The following DHX34 variants were observed in gnomAD, a reference collection of about 807,000 sequenced individuals.
DHX34 encodes DExH-box helicase 34, also known as probable ATP-dependent RNA helicase DHX34.
DHX34 carries 96 observed loss-of-function variants against 111.1 expected under a neutral mutation model. That is an observed-to-expected ratio of 0.86 (90% CI 0.73 to 1.02). DHX34 has a LOEUF of 1.02. DHX34 is among the 50% of genes least tolerant of loss of function. DHX34 has a pLI of 0.00. For missense variants in DHX34, 1,560 were observed against 1,579.9 expected, an observed-to-expected ratio of 0.99 and a Z score of 0.21; for synonymous variants, 688 against 670.4, an observed-to-expected ratio of 1.03 and a Z score of -0.41.
intron 13 of DHX34, among the ~76,000 whole-genome samples, chr19:47,377,960 C>G (rs188858544): frequency 6.6e-6 from 1 of 152,154 alleles, no homozygotes; most frequent in South Asian, 2.1e-4. Context: ...TAGGCCTGGC[C>G]TCGGAGTCCT....
At chr19:47,372,039 GGGTTCACCTGTCTCCAGGTGAGACTC>G in intron 7 of DHX34, among the ~76,000 whole-genome samples, 1 of 150,980 alleles carries the variant, frequency 6.6e-6, no homozygotes, top group South Asian at 2.2e-4. Context: ...GATGGAGACA[GGGTTCACCTGTCTCCAGGTGAGACTC>G]GGCCACCCTG....
At chr19:47,359,067 C>T (rs1490278660) in intron 4 of DHX34, among the ~76,000 whole-genome samples, 1 of 152,190 alleles carries the variant, frequency 6.6e-6, no homozygotes, top group Non-Finnish European at 1.5e-5. Flanking sequence ...TGTGAGTCTA[C>T]AGGCCAGAGA....
At chr19:47,375,825 G>A (rs1464172121) in intron 10 of DHX34, 99 bp from the exon 11 acceptor site, 8 of 1,544,182 alleles carry the variant, frequency 5.2e-6, no homozygotes, top group South Asian at 1.2e-5. Flanking sequence ...TTCCATGGAC[G>A]GTGCTTGGTC....
At chr19:47,356,804 A>C (rs1969471985) in intron 3 of DHX34, among the ~76,000 whole-genome samples, 2 of 151,864 alleles carry the variant, frequency 1.3e-5, no homozygotes, top group South Asian at 4.1e-4. Context: ...AAATGCAAAA[A>C]TTAGCTCGAG....
intron 4 of DHX34, among the ~76,000 whole-genome samples, 194 bp downstream of exon 4, chr19:47,358,314 C>T (rs555538373): frequency 4.1e-4 from 63 of 152,316 alleles, no homozygotes; most frequent in Non-Finnish European, 5.9e-4. Context: ...AACCAGAGGT[C>T]GGCAAACTTT....
rs546954400 is a variant in DHX34 at position 47,355,753 on chromosome 19, G to A, written c.1017+403G>A. 1.4e-3 allele frequency among the ~76,000 whole-genome samples: 209 copies of A among 152,180 alleles called. 1 individual carries two copies. In the South Asian group the frequency reaches 0.016, roughly 11 times the overall value. On this transcript the variant is annotated intron_variant, in intron 3 of 16. Transcript: ENST00000328771. ...TGTAGTCCCAGCTACTCGGGAGGCT[G>A]AGGCAGGAGAGTGGCGTGAACCTGG...
chr19:47,381,082 TG>T, intron 15 of DHX34, 90 bp downstream of exon 15: 3 of 1,554,242 alleles, frequency 1.9e-6, no homozygotes, highest in Non-Finnish European at 2.6e-6. Flanking sequence ...AGTTCCCAAG[TG>T]GGGCCCGTGG....
chr19:47,376,296 G>A (rs1228921446), intron 11 of DHX34, 147 bp from the exon 12 acceptor site: 8 of 1,497,644 alleles, frequency 5.3e-6, no homozygotes, highest in Non-Finnish European at 7.1e-6. Flanking sequence ...CACTATAGGA[G>A]CCCACAGGGG....
At chr19:47,349,550 C>G (rs922549557) in intron 1 of DHX34, among the ~76,000 whole-genome samples, 198 bp downstream of exon 1, 1 of 152,104 alleles carries the variant, frequency 6.6e-6, no homozygotes, top group African/African-American at 2.4e-5. Flanking sequence ...ACCTGGGCGA[C>G]AGGCCAGAGA....
chr19:47,378,959 A>G (rs1250360450), intron 13 of DHX34, among the ~76,000 whole-genome samples: 5 of 148,890 alleles, frequency 3.4e-5, no homozygotes, highest in African/African-American at 1.2e-4. Context: ...GTGAAACCCC[A>G]TCTCTACTAA....
Position 47,382,197 on chromosome 19 carries a change from C to T in DHX34, c.*84C>T. 1 of 1,556,928 alleles carries T rather than the reference C, an allele frequency of 6.4e-7. No homozygotes were observed. Among genetic ancestry groups the T allele is most frequent in the Non-Finnish European group, 8.7e-7 (1 of 1,153,962 alleles). ...AGGGGCAGGACTCTTGCCTGAACCC[C>T]CAGCCTGGGCTTAGCCCTGTGGTCC... On this transcript the variant is annotated 3_prime_UTR_variant, in exon 17 of 17. Coordinates refer to ENST00000328771, the MANE Select transcript of DHX34 (RefSeq NM_014681.6).
chr19:47,353,804 TGGCAGTATC>T lies in DHX34; in HGVS notation c.705+70_705+78del. 1 of 1,363,524 alleles carries T rather than the reference TGGCAGTATC, an allele frequency of 7.3e-7. No individual in the cohort carries two copies. Among genetic ancestry groups the T allele is most frequent in the Non-Finnish European group, 9.7e-7 (1 of 1,028,194 alleles). 84.5% of individuals were successfully genotyped at this position (1,363,524 alleles called of 1,614,324 possible). On this transcript the variant is annotated intron_variant, in intron 2 of 16. Transcript: ENST00000328771. This position sits in a 1 kb window ranked among gnomAD's most constrained non-coding sequence, Gnocchi z 4.6. ...TGGGGGAATAGGTTGCTTGTCCATA[TGGCAGTATC>T]AATAAAAATGAAGCACTTACCCTTG...
Position 47,372,914 on chromosome 19 carries a change from C to T in DHX34, c.1953C>T (p.Ala651=), listed in dbSNP as rs1408739475. The change falls in exon 8 of 17, where the codon GCC becomes GCT. Residue 651 remains alanine, a synonymous_variant. Transcript: ENST00000328771. The stretch of plus-strand genomic sequence containing the variant: ...TCACGCTCTTCAACGTCTTCAACGC[C>T]TGGGTGCAGGTGAGGCTGGTGGTGG... ...DPFTLFNVFN[A]WVQVKSERSR... The T allele has an allele frequency of 6.3e-7, 1 of 1,599,552 alleles. No individual in the cohort carries two copies. Among genetic ancestry groups the T allele is most frequent in the Non-Finnish European group, 8.5e-7 (1 of 1,177,130 alleles).
At chr19:47,379,487 G>A (rs903795854) in intron 13 of DHX34, 4 of 674,806 alleles carry the variant, frequency 5.9e-6, no homozygotes, top group Admixed American at 6.3e-5. Flanking sequence ...CCCATCTGCC[G>A]CCCCGCCACC....
At chr19:47,376,633 C>T (rs1970171970) in intron 12 of DHX34, 73 bp downstream of exon 12, 6 of 1,515,468 alleles carry the variant, frequency 4.0e-6, no homozygotes, top group African/African-American at 1.4e-5. Flanking sequence ...CTCCCAGGCC[C>T]CTCTGGCTGG....
intron 3 of DHX34, among the ~76,000 whole-genome samples, chr19:47,355,872 A>G (rs1307366032): frequency 6.6e-6 from 1 of 151,890 alleles, no homozygotes; most frequent in Non-Finnish European, 1.5e-5. Context: ...AAGACCCAAA[A>G]ATGTAAAGTC....
In DHX34 at chr19:47,381,180, C is replaced by T. The variant is rs1164477782; in HGVS notation, c.3160-6C>T. On this transcript the variant is annotated splice_polypyrimidine_tract_variant and splice_region_variant and intron_variant, in intron 15 of 16. Transcript: ENST00000328771. ...GGGCCCAGCCCTGACAGCTGGCCTGCCACAGAATGACACAGACCTGTACAG... is the reference window on the plus strand; with the variant it reads ...GGGCCCAGCCCTGACAGCTGGCCTGTCACAGAATGACACAGACCTGTACAG... The T allele has an allele frequency of 6.2e-7, 1 of 1,612,738 alleles. No individual in the cohort carries two copies. The highest frequency in any genetic ancestry group is 1.3e-5 in the African/African-American group (1 of 74,906).
intron 7 of DHX34, among the ~76,000 whole-genome samples, chr19:47,370,669 GTTTTA>G (rs869041688): frequency 2.7e-5 from 3 of 112,616 alleles, no homozygotes; most frequent in Non-Finnish European, 7.0e-5. Flanking sequence ...GTTCATTTTT[GTTTTA>G]TTTATTTATT....
Position 47,367,025 on chromosome 19 carries a change from C to G in DHX34, c.1638C>G (p.Ile546Met), listed in dbSNP as rs565413804. 6.9e-6 allele frequency: 11 copies of G among 1,588,340 alleles called. No homozygotes were observed. Among genetic ancestry groups the G allele is most frequent in the African/African-American group, 1.3e-5 (1 of 74,096 alleles). ...SVGDPRTFPF[I>M]EPPPPASLET... The stretch of plus-strand genomic sequence containing the variant: ...GGGACCCCCGAACCTTCCCCTTCAT[C>G]GAGCCCCCACCACCAGCCAGCCTGG... The change falls in exon 7 of 17, where the codon ATC becomes ATG. Residue 546 changes from isoleucine to methionine, a missense_variant. Coordinates refer to ENST00000328771, the MANE Select transcript of DHX34 (RefSeq NM_014681.6).
Sources: allele counts gnomAD v4.1 joint callset (sites outside exome capture counted in the v4.1 genomes callset), GRCh38; gene constraint gnomAD v4.1.1; non-coding constraint Gnocchi (gnomAD v3.1); transcripts MANE v1.5; gene names NCBI Gene and HGNC (gene_info 2026-07-23, HGNC 2026-07-21).